The following YAP1 variants were observed in gnomAD, a reference collection of about 807,000 sequenced individuals.
YAP1 encodes transcriptional coactivator YAP1.
YAP1 carries 5 observed loss-of-function variants against 56.9 expected under a neutral mutation model. That is an observed-to-expected ratio of 0.09 (90% CI 0.05 to 0.18). YAP1 has a LOEUF of 0.18. YAP1 is among the 10% of genes least tolerant of loss of function. The probability of loss-of-function intolerance (pLI) is 1.00; values close to 1 mark genes in which losing one functional copy is unlikely to be tolerated. For synonymous variants in YAP1, 265 were observed against 248.1 expected, an observed-to-expected ratio of 1.07 and a Z score of -0.64; for missense variants, 539 against 651.8, an observed-to-expected ratio of 0.83 and a Z score of 1.88.
At chr11:102,151,621 C>G (rs1945662224) in intron 2 of YAP1, among the ~76,000 whole-genome samples, 2 of 152,170 alleles carry the variant, frequency 1.3e-5, no homozygotes, top group Admixed American at 1.3e-4. Context: ...ATAAGCTCCT[C>G]CAAGTCAGGG....
intron 2 of YAP1, among the ~76,000 whole-genome samples, chr11:102,137,937 G>T (rs533053546): frequency 6.6e-6 from 1 of 152,012 alleles, no homozygotes; most frequent in South Asian, 2.1e-4. Context: ...GCCCAGGCTG[G>T]CGTGTTGTGG....
In YAP1 at chr11:102,192,805, C is replaced by T. The variant is rs185870909; in HGVS notation, c.802+6674C>T. On this transcript the variant is annotated intron_variant, in intron 4 of 8. Transcript: ENST00000282441. Reference sequence around the variant, plus strand: ...TATTTATTGCACCATTTAAGTTTAACTTTGGTCCTCTGGTCACAGTGTGGA... The same window carrying T: ...TATTTATTGCACCATTTAAGTTTAATTTTGGTCCTCTGGTCACAGTGTGGA... 3.1e-3 allele frequency among the ~76,000 whole-genome samples: 467 copies of T among 152,298 alleles called. 1 individual carries two copies. The highest frequency in any genetic ancestry group is 0.027 in the Middle Eastern group (8 of 294).
chr11:102,203,520 T>G (rs1247791610), intron 4 of YAP1, among the ~76,000 whole-genome samples: 2 of 152,198 alleles, frequency 1.3e-5, no homozygotes, highest in African/African-American at 4.8e-5. Context: ...AATGCTATAT[T>G]GTTTGCTTGA....
intron 2 of YAP1, among the ~76,000 whole-genome samples, chr11:102,121,648 CTG>C (rs1407345217): frequency 6.6e-6 from 1 of 152,146 alleles, no homozygotes; most frequent in African/African-American, 2.4e-5. Context: ...GATCCAAAGA[CTG>C]TAGTATATAT....
intron 3 of YAP1, among the ~76,000 whole-genome samples, chr11:102,164,310 G>A (rs1388205352): frequency 6.6e-6 from 1 of 152,138 alleles, no homozygotes; most frequent in Non-Finnish European, 1.5e-5. Context: ...TGGGATAACA[G>A]GCGTGAGCCA....
intron 6 of YAP1, among the ~76,000 whole-genome samples, chr11:102,222,897 T>G (rs1354331563): frequency 4.7e-5 from 7 of 149,330 alleles, no homozygotes; most frequent in Non-Finnish European, 8.9e-5. Context: ...GGTCGGGGGG[T>G]TCCAAACACA....
intron 4 of YAP1, among the ~76,000 whole-genome samples, chr11:102,190,004 A>G (rs2135526516): frequency 1.3e-5 from 2 of 152,340 alleles, no homozygotes; most frequent in South Asian, 4.1e-4. Context: ...AATAACTAAG[A>G]ATCCATCCTA....
At chr11:102,123,587 CT>C (rs1255565638) in intron 2 of YAP1, among the ~76,000 whole-genome samples, 2 of 149,226 alleles carry the variant, frequency 1.3e-5, no homozygotes, top group East Asian at 2.0e-4. Context: ...AGCATTTAAG[CT>C]TATTTTCTCG....
At chr11:102,159,951 A>G (rs1946167165) in intron 2 of YAP1, among the ~76,000 whole-genome samples, 1 of 152,074 alleles carries the variant, frequency 6.6e-6, no homozygotes, top group African/African-American at 2.4e-5. Context: ...AATGTATCAG[A>G]CATTTCAAAA....
intron 4 of YAP1, among the ~76,000 whole-genome samples, chr11:102,202,157 T>C (rs1948894637): frequency 1.3e-5 from 2 of 151,768 alleles, no homozygotes; most frequent in Non-Finnish European, 1.5e-5. Flanking sequence ...AGTATCAGAA[T>C]TATTATTATT....
Position 102,110,783 on chromosome 11 carries a change from C to G in YAP1, c.-66C>G. 1 of 1,263,196 alleles carries G rather than the reference C, an allele frequency of 7.9e-7. No individual in the cohort carries two copies. The allele number at this position is 1,263,196 out of a possible 1,614,324, so 78.2% of individuals were successfully genotyped here. A position where few individuals can be genotyped will look rare whatever the true frequency, so the allele number is the denominator to read the frequency against. ...GCTTCTCCACCTCGGCCCGTGGAGC[C>G]GGGGCGTCCGGGCGTAGCCCTCGCT... is the stretch of plus-strand genomic sequence containing the variant. On this transcript the variant is annotated 5_prime_UTR_variant, in exon 1 of 9. Transcript: ENST00000282441.
intron 2 of YAP1, among the ~76,000 whole-genome samples, chr11:102,121,358 T>C (rs900632273): frequency 1.3e-5 from 2 of 151,610 alleles, no homozygotes; most frequent in African/African-American, 2.4e-5. Flanking sequence ...GAGAATCACC[T>C]GAGCCTGGGA....
At chr11:102,123,179 G>A (rs1943789126) in intron 2 of YAP1, among the ~76,000 whole-genome samples, 1 of 152,134 alleles carries the variant, frequency 6.6e-6, no homozygotes, top group Non-Finnish European at 1.5e-5. Context: ...GCCTACAGCA[G>A]AGTCATATAA....
At chr11:102,168,935 A>G (rs921135669) in intron 3 of YAP1, among the ~76,000 whole-genome samples, 1 of 152,228 alleles carries the variant, frequency 6.6e-6, no homozygotes. Flanking sequence ...TGCAGAACCA[A>G]CAGGGTTGAG....
chr11:102,165,624 A>G (rs1946559347), intron 3 of YAP1, among the ~76,000 whole-genome samples: 3 of 152,114 alleles, frequency 2.0e-5, no homozygotes, highest in Non-Finnish European at 4.4e-5. Context: ...AGGCTTGAGC[A>G]TGTTTACAGC....
intron 2 of YAP1, among the ~76,000 whole-genome samples, chr11:102,148,129 C>G (rs1466114407): frequency 1.3e-5 from 2 of 152,118 alleles, no homozygotes; most frequent in African/African-American, 2.4e-5. Flanking sequence ...TGCTTTTACT[C>G]TGTTTTAAAA....
chr11:102,209,684 T>C, intron 6 of YAP1, 120 bp downstream of exon 6: 1 of 915,024 alleles, frequency 1.1e-6, no homozygotes, highest in Non-Finnish European at 1.6e-6. Flanking sequence ...AGAATAACTT[T>C]GAGCCATCTT....
At chr11:102,228,506 G>A (rs1234346951) in intron 8 of YAP1, among the ~76,000 whole-genome samples, 2 of 151,748 alleles carry the variant, frequency 1.3e-5, no homozygotes, top group Non-Finnish European at 2.9e-5. Context: ...GTGGTGGTAT[G>A]CACCTGTAAT....
At chr11:102,180,237 G>A (rs551773956) in intron 3 of YAP1, among the ~76,000 whole-genome samples, 11 of 151,796 alleles carry the variant, frequency 7.2e-5, no homozygotes, top group Non-Finnish European at 1.2e-4. Context: ...GGCTGGTCTC[G>A]AACTCCTGAC....
Sources: allele counts gnomAD v4.1 joint callset (sites outside exome capture counted in the v4.1 genomes callset), GRCh38; gene constraint gnomAD v4.1.1; transcripts MANE v1.5; gene names NCBI Gene and HGNC (gene_info 2026-07-23, HGNC 2026-07-21).